The following STK32B variants were observed in gnomAD, a reference collection of about 807,000 sequenced individuals.
The protein encoded by STK32B is serine/threonine-protein kinase 32B.
Under a neutral mutation model 52.6 loss-of-function variants are expected in STK32B, and 43 were observed. The observed-to-expected ratio is 0.82, with a 90% confidence interval of 0.64 to 1.05. STK32B has a LOEUF of 1.05. STK32B is among the 50% of genes least tolerant of loss of function. The pLI, the probability that STK32B is intolerant of heterozygous loss-of-function variation, is 0.00. For missense variants in STK32B, 621 were observed against 534.6 expected, an observed-to-expected ratio of 1.16 and a Z score of -1.59; for synonymous variants, 238 against 204.3, an observed-to-expected ratio of 1.17 and a Z score of -1.41.
intron 8 of STK32B, among the ~76,000 whole-genome samples, chr4:5,457,944 G>A (rs1716705139): frequency 7.0e-6 from 1 of 143,226 alleles, no homozygotes; most frequent in African/African-American, 2.6e-5. Context: ...GGGAGGGAAG[G>A]AAGGAAGGAA....
At chr4:5,416,324 C>T (rs1029155584) in intron 5 of STK32B, among the ~76,000 whole-genome samples, 2 of 152,154 alleles carry the variant, frequency 1.3e-5, no homozygotes, top group Admixed American at 1.3e-4. Context: ...TATCCATGCC[C>T]ATCTGCTGCC....
At chr4:5,127,159 T>C (rs1715457055) in intron 1 of STK32B, 2 of 498,290 alleles carry the variant, frequency 4.0e-6, no homozygotes, top group African/African-American at 3.9e-5. Flanking sequence ...ATTACATTTT[T>C]ACTTATCTTT....
intron 3 of STK32B, among the ~76,000 whole-genome samples, chr4:5,179,320 A>G (rs951720663): frequency 1.3e-5 from 2 of 152,186 alleles, no homozygotes; most frequent in Admixed American, 1.3e-4. Context: ...CCCATGACAC[A>G]TGGGGATTAT....
At chr4:5,152,167 T>C (rs1039193641) in intron 2 of STK32B, among the ~76,000 whole-genome samples, 1 of 152,220 alleles carries the variant, frequency 6.6e-6, no homozygotes, top group Admixed American at 6.5e-5. Context: ...TGAAGGTTTA[T>C]CTGTAGAAGA....
rs1025363912 is a variant in STK32B at position 5,080,577 on chromosome 4, A to G, written c.52+28662A>G. Among the ~76,000 whole-genome samples, 4 of 152,112 alleles carry G rather than the reference A, an allele frequency of 2.6e-5. No individual in the cohort carries two copies. In the South Asian group the frequency reaches 6.2e-4, roughly 24 times the overall value. ...CACCTAGCTAATATATGCTTTTCTTATTTATCTTAATTGTCATTTACAACC... is the reference window on the plus strand; with the variant it reads ...CACCTAGCTAATATATGCTTTTCTTGTTTATCTTAATTGTCATTTACAACC... On this transcript the variant is annotated intron_variant, in intron 1 of 11. Coordinates refer to ENST00000282908, the MANE Select transcript of STK32B (RefSeq NM_018401.3).
At chr4:5,337,580 T>C (rs1732792070) in intron 4 of STK32B, among the ~76,000 whole-genome samples, 1 of 152,114 alleles carries the variant, frequency 6.6e-6, no homozygotes, top group African/African-American at 2.4e-5. Flanking sequence ...CCAGTTCTGA[T>C]TAGCATGGAT....
At chr4:5,202,641 A>G (rs1722245558) in intron 3 of STK32B, among the ~76,000 whole-genome samples, 1 of 152,202 alleles carries the variant, frequency 6.6e-6, no homozygotes, top group African/African-American at 2.4e-5. Flanking sequence ...CATCCTCTGA[A>G]ATCTAGAGAG....
At chr4:5,343,744 T>G (rs1034453952) in intron 4 of STK32B, among the ~76,000 whole-genome samples, 6 of 152,298 alleles carry the variant, frequency 3.9e-5, no homozygotes, top group Non-Finnish European at 5.9e-5. Flanking sequence ...TTAAAGAGCT[T>G]CTGCACAGCA....
intron 3 of STK32B, among the ~76,000 whole-genome samples, chr4:5,241,331 T>G (rs1725005522): frequency 6.6e-6 from 1 of 152,148 alleles, no homozygotes; most frequent in Non-Finnish European, 1.5e-5. Flanking sequence ...CGTTGCCCCA[T>G]GTACCATTAT....
At chr4:5,071,346 A>G (rs545976309) in intron 1 of STK32B, among the ~76,000 whole-genome samples, 2 of 152,320 alleles carry the variant, frequency 1.3e-5, no homozygotes, top group South Asian at 4.1e-4. Context: ...TGATGTACAT[A>G]TGAACACAAA....
chr4:5,138,546 A>G (rs995839654), intron 1 of STK32B, among the ~76,000 whole-genome samples: 1 of 152,202 alleles, frequency 6.6e-6, no homozygotes, highest in Non-Finnish European at 1.5e-5. Flanking sequence ...CCTCCTGTTA[A>G]TGAATATTTA....
At chr4:5,333,999 TC>T (rs1263353250) in intron 4 of STK32B, among the ~76,000 whole-genome samples, 2 of 152,208 alleles carry the variant, frequency 1.3e-5, no homozygotes, top group Non-Finnish European at 2.9e-5. Context: ...GTAGTTTTTT[TC>T]CAATTCTGTG....
At chr4:5,041,617 T>A in the STK32B span, among the ~76,000 whole-genome samples, 1 of 151,422 alleles carries the variant, frequency 6.6e-6, no homozygotes, top group Non-Finnish European at 1.5e-5. Flanking sequence ...TATGGACCCC[T>A]ATTTTGAGTG....
intron 1 of STK32B, among the ~76,000 whole-genome samples, chr4:5,124,955 T>G (rs552080279): frequency 6.6e-6 from 1 of 152,250 alleles, no homozygotes; most frequent in South Asian, 2.1e-4. Flanking sequence ...TGACAGGAAC[T>G]CTCTCAAAGC....
chr4:5,418,431 A>G (rs1228089269), intron 6 of STK32B, among the ~76,000 whole-genome samples: 1 of 152,270 alleles, frequency 6.6e-6, no homozygotes, highest in Non-Finnish European at 1.5e-5. Flanking sequence ...GTTTAAGGCT[A>G]GAAAATGTAA....
chr4:5,202,374 T>C (rs1361106078), intron 3 of STK32B, among the ~76,000 whole-genome samples: 1 of 152,234 alleles, frequency 6.6e-6, no homozygotes, highest in Non-Finnish European at 1.5e-5. Context: ...CCCACCCAAA[T>C]ATCATGGCTG....
intron 4 of STK32B, chr4:5,345,291 ATGAAAAGTTATAAT>A: frequency 6.7e-6 from 1 of 149,402 alleles, no homozygotes; most frequent in African/African-American, 2.5e-5. Context: ...AATGTTATAA[ATGAAAAGTTATAAT>A]TCTCCTTTTT....
At chr4:5,139,845 C>G in intron 1 of STK32B, 60 bp from the exon 2 acceptor site, 3 of 1,599,238 alleles carry the variant, frequency 1.9e-6, no homozygotes, top group South Asian at 1.1e-5. Flanking sequence ...TAAGGATATT[C>G]AAGGAGCAAT....
intron 2 of STK32B, among the ~76,000 whole-genome samples, chr4:5,140,820 CTG>C (rs1195435931): frequency 6.6e-6 from 1 of 152,198 alleles, no homozygotes; most frequent in Non-Finnish European, 1.5e-5. Context: ...CATGCAAACT[CTG>C]TACCAGGCAC....
Sources: allele counts gnomAD v4.1 joint callset (sites outside exome capture counted in the v4.1 genomes callset), GRCh38; gene constraint gnomAD v4.1.1; transcripts MANE v1.5; gene names NCBI Gene and HGNC (gene_info 2026-07-23, HGNC 2026-07-21).